Variants in RFC3 observed in about 807,000 individuals in gnomAD.
The protein encoded by RFC3 is A1 38 kDa subunit.
Under a neutral mutation model 45.1 loss-of-function variants are expected in RFC3, and 41 were observed. That is an observed-to-expected ratio of 0.91 (90% confidence interval 0.71 to 1.18). The LOEUF (loss-of-function observed/expected upper bound fraction) is 1.18, where lower values mean the gene tolerates loss of function less well. RFC3 is among the 50% of genes most tolerant of loss of function. RFC3 has a pLI of 0.00. For synonymous variants in RFC3, 149 were observed against 144.0 expected, an observed-to-expected ratio of 1.03 and a Z score of -0.25; for missense variants, 423 against 428.1, an observed-to-expected ratio of 0.99 and a Z score of 0.10.
At chr13:33,880,257 A>C (rs2082474167) in intron 8 of RFC3, among the ~76,000 whole-genome samples, 1 of 152,242 alleles carries the variant, frequency 6.6e-6, no homozygotes, top group South Asian at 2.1e-4. Context: ...TGTTTATATA[A>C]AAGACAACAG....
chr13:33,971,350 A>G (rs373093158), downstream of RFC3, among the ~76,000 whole-genome samples: 136 of 152,376 alleles, frequency 8.9e-4, no homozygotes, highest in African/African-American at 3.2e-3. Flanking sequence ...TTACAAATTA[A>G]TAGGAATAAA....
intron 8 of RFC3, among the ~76,000 whole-genome samples, chr13:33,856,620 A>G (rs1417025809): frequency 1.3e-5 from 2 of 152,214 alleles, no homozygotes; most frequent in African/African-American, 2.4e-5. Context: ...CTTGAATGAG[A>G]GACGTCTGTT....
intron 8 of RFC3, among the ~76,000 whole-genome samples, chr13:33,867,273 TA>T (rs1426790506): frequency 1.4e-4 from 22 of 152,170 alleles, no homozygotes; most frequent in African/African-American, 5.1e-4. Flanking sequence ...CTTTCTTCCA[TA>T]CTCAGAGATG....
chr13:33,875,016 G>T (rs747493869), intron 8 of RFC3, among the ~76,000 whole-genome samples: 14 of 152,154 alleles, frequency 9.2e-5, no homozygotes, highest in Non-Finnish European at 1.5e-4. Context: ...ATGCAACAGC[G>T]GATTAAGATT....
chr13:33,846,392 A>G (rs2082237004), intron 8 of RFC3: 1 of 152,342 alleles, frequency 6.6e-6, no homozygotes, highest in South Asian at 2.1e-4. Flanking sequence ...TGTGTCTACA[A>G]AGGTCATCCG....
At chr13:33,895,102 T>C (rs530655240) in intron 8 of RFC3, among the ~76,000 whole-genome samples, 2 of 151,936 alleles carry the variant, frequency 1.3e-5, no homozygotes, top group Non-Finnish European at 2.9e-5. Context: ...AGGCAAATGA[T>C]TCATGATTAG....
intron 8 of RFC3, among the ~76,000 whole-genome samples, chr13:33,870,897 G>A (rs1409995929): frequency 1.3e-5 from 2 of 152,146 alleles, no homozygotes; most frequent in Non-Finnish European, 2.9e-5. Flanking sequence ...TATAATAGGC[G>A]AAGGAGAATA....
At chr13:33,820,138 AT>A (rs767135123) in intron 1 of RFC3, among the ~76,000 whole-genome samples, 3 of 152,202 alleles carry the variant, frequency 2.0e-5, no homozygotes, top group Non-Finnish European at 4.4e-5. Flanking sequence ...ACTCATCTTT[AT>A]AGCCTTCATA....
intron 8 of RFC3, among the ~76,000 whole-genome samples, chr13:33,894,392 C>T (rs1205950433): frequency 6.6e-6 from 1 of 152,170 alleles, no homozygotes; most frequent in Non-Finnish European, 1.5e-5. Context: ...CCTGATCTTA[C>T]CTCACAGGAG....
intron 8 of RFC3, among the ~76,000 whole-genome samples, chr13:33,843,968 T>G (rs2082218803): frequency 6.6e-6 from 1 of 152,226 alleles, no homozygotes; most frequent in African/African-American, 2.4e-5. Context: ...CCTAATACGG[T>G]AGAGAAGCTG....
At position 33,824,050 on chromosome 13, in the gene RFC3, A is replaced by T. The variant is rs1016217653; in HGVS notation, c.293+66A>T. On this transcript the variant is annotated intron_variant, in intron 3 of 8. Transcript: ENST00000380071. Reference sequence around the variant, plus strand: ...ATTGGTTTTGGGCTTTCTTTTTTTAAAAGATTGAAACCCTTTTTTGAAATA... The same window carrying T: ...ATTGGTTTTGGGCTTTCTTTTTTTATAAGATTGAAACCCTTTTTTGAAATA... 7 of 759,042 alleles carry T rather than the reference A, an allele frequency of 9.2e-6. No homozygotes were observed. In the African/African-American group the frequency reaches 1.3e-4, roughly 14 times the overall value. 47.0% of individuals were successfully genotyped at this position (759,042 alleles called of 1,614,324 possible).
intron 8 of RFC3, among the ~76,000 whole-genome samples, chr13:33,925,528 A>G (rs939877846): frequency 1.4e-5 from 2 of 144,010 alleles, no homozygotes; most frequent in Admixed American, 6.9e-5. Context: ...TACTATATAC[A>G]TACATACATA....
At chr13:33,933,266 A>G (rs2082863862) in intron 8 of RFC3, among the ~76,000 whole-genome samples, 1 of 152,124 alleles carries the variant, frequency 6.6e-6, no homozygotes. Flanking sequence ...CAGAAAACAC[A>G]TAGAGATCTG....
At position 33,893,471 on chromosome 13, in the gene RFC3, G is replaced by GA. The variant is rs376593816; in HGVS notation, c.879+58261dup. 4.5e-3 allele frequency among the ~76,000 whole-genome samples: 690 copies of GA among 151,796 alleles called. 8 individuals carry two copies. The highest frequency in any genetic ancestry group is 0.016 in the African/African-American group (658 of 41,420). ...CAAAGACATACACATACATTCACAAGAAAAAAACAAAACAAAACAGCAAGC... is the reference window on the plus strand; with the variant it reads ...CAAAGACATACACATACATTCACAAGAAAAAAAACAAAACAAAACAGCAAGC... On this transcript the variant is annotated intron_variant, in intron 8 of 8. Transcript: ENST00000434425.
intron 8 of RFC3, among the ~76,000 whole-genome samples, chr13:33,899,583 T>A (rs1413478932): frequency 2.0e-5 from 3 of 151,834 alleles, no homozygotes; most frequent in Non-Finnish European, 4.4e-5. Context: ...TTTTACTGAA[T>A]GCAAAAAATT....
chr13:33,855,226 A>G (rs2082301529), intron 8 of RFC3, among the ~76,000 whole-genome samples: 2 of 152,188 alleles, frequency 1.3e-5, no homozygotes, highest in South Asian at 2.1e-4. Flanking sequence ...TGTGCACAAT[A>G]AACTTTTAAC....
intron 8 of RFC3, among the ~76,000 whole-genome samples, chr13:33,963,186 G>C (rs967496785): frequency 1.7e-5 from 2 of 116,830 alleles, no homozygotes; most frequent in African/African-American, 6.1e-5. Context: ...AATATTATAA[G>C]TAAATTGACA....
chr13:33,832,037 A>G (rs1335647621), intron 7 of RFC3, among the ~76,000 whole-genome samples: 5 of 152,176 alleles, frequency 3.3e-5, no homozygotes, highest in Non-Finnish European at 7.3e-5. Context: ...TGCTTCCGTT[A>G]CTTCTGTAGG....
intron 8 of RFC3, among the ~76,000 whole-genome samples, chr13:33,909,059 G>A (rs1353768976): frequency 6.6e-6 from 1 of 151,918 alleles, no homozygotes; most frequent in Non-Finnish European, 1.5e-5. Context: ...AAATGTCTGG[G>A]TACCCCAGGT....
Sources: gnomAD v4.1 joint callset for allele counts (sites outside exome capture counted in the v4.1 genomes callset) on GRCh38, gnomAD v4.1.1 for gene constraint, MANE v1.5 for transcripts, NCBI Gene and HGNC (gene_info 2026-07-23, HGNC 2026-07-21) for gene names.